The following TTLL5 variants were observed in gnomAD, a reference collection of about 807,000 sequenced individuals.
The protein encoded by TTLL5 is tubulin tyrosine ligase like 5.
A neutral mutation model predicts 168.4 loss-of-function variants in TTLL5; 132 were observed. The ratio of observed to expected loss-of-function variants is 0.78; its 90% CI spans 0.68 to 0.91. The LOEUF (loss-of-function observed/expected upper bound fraction) is 0.91. TTLL5 is among the 40% of genes least tolerant of loss of function. The probability of loss-of-function intolerance (pLI) is 0.00; values close to 1 mark genes in which losing one functional copy is unlikely to be tolerated. For missense variants in TTLL5, 1,545 were observed against 1,581.5 expected (o/e 0.98, Z 0.39); for synonymous variants, 546 against 558.6 (o/e 0.98, Z 0.32).
At chr14:75,947,566 T>C (rs1334421143) in intron 31 of TTLL5, among the ~76,000 whole-genome samples, 3 of 152,104 alleles carry the variant, frequency 2.0e-5, no homozygotes, top group Non-Finnish European at 4.4e-5. Flanking sequence ...AATAGATAAA[T>C]CTAGCTTTAT....
chr14:75,864,784 A>G (rs1188014211), intron 29 of TTLL5, among the ~76,000 whole-genome samples: 1 of 152,080 alleles, frequency 6.6e-6, no homozygotes, highest in South Asian at 2.1e-4. Context: ...TCTCCTGATC[A>G]TTTTTTTCTT....
At chr14:75,663,029 G>C (rs769252253) in intron 1 of TTLL5, 26 bp from the exon 2 acceptor site, 1 of 802,194 alleles carries the variant, frequency 1.2e-6, no homozygotes, top group Non-Finnish European at 2.2e-6. Flanking sequence ...CAGGTCAATT[G>C]ATCCAATCAA....
intron 31 of TTLL5, among the ~76,000 whole-genome samples, chr14:75,937,438 A>ATTG (rs2140184302): frequency 6.6e-6 from 1 of 152,016 alleles, no homozygotes; most frequent in East Asian, 1.9e-4. Flanking sequence ...TTACATTCTT[A>ATTG]TGTAATCATC....
chr14:75,906,767 C>A (rs2140100990), intron 31 of TTLL5: 1 of 965,656 alleles, frequency 1.0e-6, no homozygotes, highest in Non-Finnish European at 1.2e-6. Flanking sequence ...AAAAGAAGTT[C>A]TAGCTTCTCA....
At chr14:75,795,135 G>A (rs991452168) in intron 27 of TTLL5, among the ~76,000 whole-genome samples, 3 of 151,766 alleles carry the variant, frequency 2.0e-5, no homozygotes, top group African/African-American at 7.3e-5. Context: ...TCACTCTACT[G>A]TTCTCCTGCC....
At chr14:75,767,364 G>A (rs1377862501) in intron 20 of TTLL5, among the ~76,000 whole-genome samples, 1 of 152,192 alleles carries the variant, frequency 6.6e-6, no homozygotes, top group Non-Finnish European at 1.5e-5. Flanking sequence ...TTCAGGTCGT[G>A]AGAAATGCTG....
intron 12 of TTLL5, among the ~76,000 whole-genome samples, chr14:75,721,069 G>A (rs1887805365): frequency 6.6e-6 from 1 of 152,154 alleles, no homozygotes; most frequent in South Asian, 2.1e-4. Flanking sequence ...GCTCTGGCTG[G>A]TACCAGTATG....
At chr14:75,784,301 T>A (rs891450065) in intron 26 of TTLL5, among the ~76,000 whole-genome samples, 1 of 152,228 alleles carries the variant, frequency 6.6e-6, no homozygotes, top group East Asian at 1.9e-4. Flanking sequence ...TAGTCTTTTG[T>A]GAATGGCTGC....
At chr14:75,876,329 A>G (rs962758757) in intron 29 of TTLL5, among the ~76,000 whole-genome samples, 2 of 152,228 alleles carry the variant, frequency 1.3e-5, no homozygotes, top group African/African-American at 4.8e-5. Context: ...TGGCAAGTAC[A>G]GTTAATTTAG....
At chr14:75,792,863 T>A in intron 26 of TTLL5, 53 bp from the exon 27 acceptor site, 1 of 1,480,348 alleles carries the variant, frequency 6.8e-7, no homozygotes, top group Admixed American at 2.1e-5. Flanking sequence ...TATCCTAATT[T>A]TTTTCAGGCC....
At chr14:75,758,336 G>A (rs1890413941) in intron 18 of TTLL5, among the ~76,000 whole-genome samples, 1 of 152,138 alleles carries the variant, frequency 6.6e-6, no homozygotes, top group African/African-American at 2.4e-5. Flanking sequence ...CTTTAAAGAA[G>A]GAATACATTA....
chr14:75,766,980 A>G (rs1282621049), intron 20 of TTLL5, among the ~76,000 whole-genome samples: 1 of 152,114 alleles, frequency 6.6e-6, no homozygotes, highest in Admixed American at 6.5e-5. Flanking sequence ...CCTGACCAAC[A>G]TGGAGAAACC....
intron 31 of TTLL5, among the ~76,000 whole-genome samples, chr14:75,949,617 A>T (rs1333678661): frequency 1.3e-5 from 2 of 151,818 alleles, no homozygotes; most frequent in African/African-American, 4.8e-5. Flanking sequence ...TTGGGAGACC[A>T]AGGGGGATTG....
At chr14:75,698,114 G>C (rs1885997594) in intron 6 of TTLL5, among the ~76,000 whole-genome samples, 1 of 152,142 alleles carries the variant, frequency 6.6e-6, no homozygotes, top group South Asian at 2.1e-4. Context: ...GGCACAGCTG[G>C]GACCAGTGCT....
chr14:75,954,366 T>C (rs759622207), intron 31 of TTLL5, 58 bp from the exon 32 acceptor site: 2 of 1,591,202 alleles, frequency 1.3e-6, no homozygotes, highest in African/African-American at 1.3e-5. Context: ...TTGCTGCCTG[T>C]AAGTAAAACC....
chr14:75,863,112 G>GA (rs201828009), intron 28 of TTLL5, among the ~76,000 whole-genome samples: 1 of 151,870 alleles, frequency 6.6e-6, no homozygotes, highest in African/African-American at 2.4e-5. Flanking sequence ...TTGGAATAAT[G>GA]AAAAAAAGTG....
intron 31 of TTLL5, among the ~76,000 whole-genome samples, chr14:75,934,990 G>A (rs957900955): frequency 6.6e-6 from 1 of 152,202 alleles, no homozygotes; most frequent in Non-Finnish European, 1.5e-5. Flanking sequence ...ATATTCTGGA[G>A]CCTTTAAGAA....
At chr14:75,723,361 A>C (rs1350334341) in intron 12 of TTLL5, among the ~76,000 whole-genome samples, 1 of 152,160 alleles carries the variant, frequency 6.6e-6, no homozygotes, top group African/African-American at 2.4e-5. Context: ...TAGACTTCCC[A>C]ATGGATCTGG....
At chr14:75,810,283 G>A (rs1025123081) in intron 27 of TTLL5, among the ~76,000 whole-genome samples, 12 of 151,990 alleles carry the variant, frequency 7.9e-5, no homozygotes, top group Non-Finnish European at 1.3e-4. Flanking sequence ...AACTGCATTG[G>A]GAATGCTTTG....
Sources: allele counts gnomAD v4.1 joint callset (sites outside exome capture counted in the v4.1 genomes callset), GRCh38; gene constraint gnomAD v4.1.1; transcripts MANE v1.5; gene names NCBI Gene and HGNC (gene_info 2026-07-23, HGNC 2026-07-21).